The following FGF13 variants were observed in gnomAD, a reference collection of about 807,000 sequenced individuals.
FGF13 encodes the protein fibroblast growth factor homologous factor 2.
A neutral mutation model predicts 19.5 loss-of-function variants in FGF13; 2 were observed. The observed-to-expected ratio is 0.10, with a 90% confidence interval of 0.04 to 0.32. FGF13 has a LOEUF of 0.32. Ranked by LOEUF, FGF13 falls within the 10% of genes least tolerant of loss-of-function variation. FGF13 has a pLI of 1.00. For missense variants in FGF13, 113 were observed against 192.7 expected (o/e 0.59, Z 2.45); for synonymous variants, 72 against 76.9 (o/e 0.94, Z 0.33).
intron 3 of FGF13, among the ~76,000 whole-genome samples, chrX:138,673,626 C>CT (rs1309446174): frequency 9.0e-6 from 1 of 111,342 alleles, no homozygotes; most frequent in East Asian, 2.8e-4. Context: ...TGCAAAAAAC[C>CT]TTTTAAGGAC....
intron 1 of FGF13, among the ~76,000 whole-genome samples, chrX:138,866,370 G>C (rs1297253212): frequency 3.6e-5 from 4 of 112,476 alleles, no homozygotes; most frequent in African/African-American, 1.3e-4. Context: ...CAAAGACCAT[G>C]TTTTTCTGAG....
intron 1 of FGF13, among the ~76,000 whole-genome samples, chrX:139,096,488 A>G (rs1388015333): frequency 8.9e-6 from 1 of 112,141 alleles, no homozygotes; most frequent in Non-Finnish European, 1.9e-5. Flanking sequence ...TCAAAATCAC[A>G]AGTAGAAAAA....
chrX:138,737,148 T>A (rs1394887832), intron 1 of FGF13, among the ~76,000 whole-genome samples: 1 of 111,381 alleles, frequency 9.0e-6, no homozygotes, highest in Non-Finnish European at 1.9e-5. Flanking sequence ...CAGACTTAAC[T>A]GGAGATGGAG....
intron 1 of FGF13, among the ~76,000 whole-genome samples, chrX:139,133,136 A>G (rs1014968228): frequency 1.8e-5 from 2 of 110,704 alleles, no homozygotes; most frequent in South Asian, 7.7e-4. Context: ...AGAGGGACAT[A>G]TGTTCTCAGG....
At chrX:138,961,043 T>C (rs1487012873) in intron 1 of FGF13, among the ~76,000 whole-genome samples, 1 of 111,518 alleles carries the variant, frequency 9.0e-6, no homozygotes, top group Non-Finnish European at 1.9e-5. Context: ...CGTGCAGCTC[T>C]GTTCCATTGC....
rs2083937427 is a variant in FGF13 at position 139,151,913 on chromosome X, C to T, written c.-113+51503G>A. On this transcript the variant is annotated intron_variant, in intron 1 of 2. Coordinates refer to the FGF13 transcript ENST00000421460. ...TCTATATAAAGGACAGATATAGGTA[C>T]AACACATAAATAGTATATCTCTGGT... Among the ~76,000 whole-genome samples the T allele has an allele frequency of 2.7e-5, 3 of 111,578 alleles. No individual in the cohort carries two copies. The South Asian group carries it at 1.1e-3, about 41-fold the overall frequency.
intron 2 of FGF13, among the ~76,000 whole-genome samples, chrX:138,708,381 G>T (rs1204904585): frequency 8.9e-6 from 1 of 111,951 alleles, no homozygotes; most frequent in Non-Finnish European, 1.9e-5. Context: ...ATCAGTGTGT[G>T]TGTGGAGCAG....
chrX:139,048,475 A>G (rs778552029), intron 1 of FGF13, among the ~76,000 whole-genome samples: 25 of 110,452 alleles, frequency 2.3e-4, no homozygotes, highest in Non-Finnish European at 4.5e-4. Flanking sequence ...CATGATCTTA[A>G]GTTTTAAAAA....
chrX:138,864,212 G>GA lies in FGF13; in HGVS notation c.-39+364dup, dbSNP rs377500149. ...TTGTGAAGAGTTAGCTCCAATCCTG[G>GA]AAACACTTTTTTGACCCTCAAAGAT... On this transcript the variant is annotated intron_variant, in intron 2 of 2. Coordinates refer to the FGF13 transcript ENST00000421460. Among the ~76,000 whole-genome samples the GA allele has an allele frequency of 2.6e-3, 295 of 112,481 alleles. 1 individual carries two copies. Among genetic ancestry groups the GA allele is most frequent in the African/African-American group, 9.2e-3 (285 of 31,021 alleles).
chrX:138,751,869 C>A (rs2090400893), intron 3 of FGF13, among the ~76,000 whole-genome samples: 1 of 111,719 alleles, frequency 9.0e-6, no homozygotes, highest in South Asian at 3.7e-4. Context: ...TTATTATTAA[C>A]ATTTGCTATA....
In FGF13 at chrX:138,615,229, G is replaced by C. The variant is rs984876943; in HGVS notation, c.*17621C>G. The C allele has an allele frequency of 9.9e-5, 11 of 111,610 alleles. No homozygotes were observed. The highest frequency in any genetic ancestry group is 2.9e-4 in the African/African-American group (9 of 30,683). 9.2% of individuals were successfully genotyped at this position (111,610 alleles called of 1,213,427 possible). On this transcript the variant is annotated 3_prime_UTR_variant, in exon 5 of 5. Coordinates refer to ENST00000315930, the MANE Select transcript of FGF13 (RefSeq NM_004114.5). ...AGTGTATGTAAAACTAGAGAAGTCT[G>C]AGTAATGTCTGTGGATTATACAGAT...
intron 3 of FGF13, among the ~76,000 whole-genome samples, chrX:138,782,545 A>G (rs2090653991): frequency 1.8e-5 from 2 of 108,557 alleles, no homozygotes; most frequent in Non-Finnish European, 3.8e-5. Context: ...CCAAATCATG[A>G]GTGAACTCCC....
At chrX:139,127,338 T>C (rs774342492) in intron 1 of FGF13, among the ~76,000 whole-genome samples, 45 of 111,779 alleles carry the variant, frequency 4.0e-4, no homozygotes, top group African/African-American at 1.5e-3. Context: ...GAGTACTTTC[T>C]CCAACTATAT....
intron 1 of FGF13, among the ~76,000 whole-genome samples, chrX:138,998,723 C>A (rs755696440): frequency 1.8e-5 from 2 of 111,319 alleles, no homozygotes; most frequent in South Asian, 3.8e-4. Flanking sequence ...TAGACTCCCA[C>A]ACAATAATAA....
chrX:138,762,159 A>G (rs1213607167), intron 3 of FGF13, among the ~76,000 whole-genome samples: 2 of 110,558 alleles, frequency 1.8e-5, no homozygotes, highest in Non-Finnish European at 3.8e-5. Context: ...TGGCTAATGT[A>G]GCTCTAGACA....
At chrX:139,129,154 TACACACACACACACACACACACACAC>T (rs753541740) in intron 1 of FGF13, among the ~76,000 whole-genome samples, 1 of 93,062 alleles carries the variant, frequency 1.1e-5, no homozygotes, top group Non-Finnish European at 2.1e-5. Flanking sequence ...CATACACACA[TACACACACACACACACACACACACAC>T]ATGTGTGTGT....
At chrX:138,663,594 T>C (rs549428238) in intron 3 of FGF13, among the ~76,000 whole-genome samples, 2 of 111,820 alleles carry the variant, frequency 1.8e-5, no homozygotes, top group South Asian at 7.5e-4. Flanking sequence ...ATATTTGTTT[T>C]ATATTTTAAT....
chrX:139,153,218 C>G (rs1049676470), intron 1 of FGF13, among the ~76,000 whole-genome samples: 2 of 110,888 alleles, frequency 1.8e-5, no homozygotes, highest in African/African-American at 3.3e-5. Flanking sequence ...GCCAAGAATT[C>G]CAACTATTGG....
chrX:138,900,122 T>G (rs758668231), intron 1 of FGF13, among the ~76,000 whole-genome samples: 1 of 111,199 alleles, frequency 9.0e-6, no homozygotes, highest in African/African-American at 3.3e-5. Context: ...TTTTACTAAT[T>G]GAAAATGTAA....
Sources: allele counts gnomAD v4.1 joint callset (sites outside exome capture counted in the v4.1 genomes callset), GRCh38; gene constraint gnomAD v4.1.1; transcripts MANE v1.5; gene names NCBI Gene and HGNC (gene_info 2026-07-23, HGNC 2026-07-21).